Variants in SCN1A observed in about 807,000 individuals in gnomAD.
The protein encoded by SCN1A is sodium voltage-gated channel alpha subunit 1, also known as sodium channel protein type 1 subunit alpha.
In SCN1A, 13 loss-of-function variants were observed where a neutral mutation model predicts 193.7. The observed-to-expected ratio is 0.07, with a 90% CI of 0.04 to 0.11. SCN1A has a LOEUF of 0.11. Ranked by LOEUF, SCN1A falls within the 10% of genes least tolerant of loss-of-function variation. SCN1A has a pLI of 1.00. For missense variants in SCN1A, 1,432 were observed against 2,451.1 expected (o/e 0.58, Z 8.78); for synonymous variants, 781 against 843.6 (o/e 0.93, Z 1.29).
At position 166,045,151 on chromosome 2, in the gene SCN1A, ATCC is replaced by A. The variant is rs1559220543; in HGVS notation, c.1551_1553del (p.Glu517del). On this transcript the variant is annotated inframe_deletion, in exon 13 of 29. Coordinates refer to ENST00000674923, the MANE Select transcript of SCN1A (RefSeq NM_001165963.4). ...CCTCAGATTCAGATTTTTGGAATTCATCCTCATCTTTCTCTTCCCCACCAGACT... is the reference window on the plus strand; with the variant it reads ...CCTCAGATTCAGATTTTTGGAATTCATCATCTTTCTCTTCCCCACCAGACT... 1 of 1,614,090 alleles carries A rather than the reference ATCC, an allele frequency of 6.2e-7. No homozygotes were observed. The highest frequency in any genetic ancestry group is 2.2e-5 in the East Asian group (1 of 44,868).
chr2:166,082,719 C>A (rs1298932820), intron 2 of SCN1A, among the ~76,000 whole-genome samples: 1 of 151,998 alleles, frequency 6.6e-6, no homozygotes, highest in Non-Finnish European at 1.5e-5. Flanking sequence ...ACTAACTGAG[C>A]AGATGACTTT....
chr2:166,086,316 A>C (rs1240490086), intron 2 of SCN1A, among the ~76,000 whole-genome samples: 1 of 152,162 alleles, frequency 6.6e-6, no homozygotes, highest in Non-Finnish European at 1.5e-5. Context: ...CTAGGGAATG[A>C]TTCTAGCCAT....
chr2:166,089,695 A>G (rs373657388), intron 2 of SCN1A, among the ~76,000 whole-genome samples: 110 of 152,238 alleles, frequency 7.2e-4, no homozygotes, highest in African/African-American at 2.6e-3. Flanking sequence ...GAGACTATAT[A>G]AAAAGATGGA....
At chr2:166,006,430 C>T (rs1691667035) in intron 23 of SCN1A, among the ~76,000 whole-genome samples, 1 of 151,334 alleles carries the variant, frequency 6.6e-6, no homozygotes, top group Admixed American at 6.6e-5. Context: ...TATGTTTTCA[C>T]TGTGTTATGT....
At chr2:165,996,231 T>C (rs561312179) in intron 26 of SCN1A, 114 bp from the exon 27 acceptor site, 1 of 655,590 alleles carries the variant, frequency 1.5e-6, no homozygotes, top group African/African-American at 1.8e-5. Flanking sequence ...AACTGATTAG[T>C]ATAATTATAT....
intron 10 of SCN1A, among the ~76,000 whole-genome samples, chr2:166,048,123 T>C (rs1698069602): frequency 6.6e-6 from 1 of 152,126 alleles, no homozygotes; most frequent in African/African-American, 2.4e-5. Context: ...CCTAAAAAAG[T>C]AGGAACAGGA....
chr2:166,036,317 GATC>G lies in SCN1A; in HGVS notation c.3157_3159del (p.Asp1053del), dbSNP rs1696361942. On this transcript the variant is annotated inframe_deletion, in exon 19 of 29. Coordinates refer to ENST00000674923, the MANE Select transcript of SCN1A (RefSeq NM_001165963.4). ...ATACAACTGTCTTTCTTGTTGTTTA[GATC>G]ATCAAGTGGTTTAATTTCATCTAAA... 6 of 1,613,108 alleles carry G rather than the reference GATC, an allele frequency of 3.7e-6. No homozygotes were observed. The highest frequency in any genetic ancestry group is 2.7e-5 in the African/African-American group (2 of 74,844).
At chr2:166,025,022 A>G (rs1694564854) in intron 19 of SCN1A, among the ~76,000 whole-genome samples, 1 of 152,202 alleles carries the variant, frequency 6.6e-6, no homozygotes, top group Non-Finnish European at 1.5e-5. Context: ...CACATAGAAA[A>G]TCATTTGAGT....
In SCN1A at chr2:166,039,567, C is replaced by G; in HGVS notation, c.2445G>C (p.Met815Ile). Residue 815 changes from methionine to isoleucine, a missense_variant, in exon 17 of 29, where the codon ATG becomes ATC. By Grantham distance (10) the Met-to-Ile change is conservative. Transcript: ENST00000674923. Reference sequence around the variant, plus strand: ...GATCCATGGCAATAATTTTCAGAAACATTTCTGCTGTAAAGATCCCAGTGA... The same window carrying G: ...GATCCATGGCAATAATTTTCAGAAAGATTTCTGCTGTAAAGATCCCAGTGA... ...LVFTGIFTAEMFLKIIAMDPY... is the reference protein window; with the variant it reads ...LVFTGIFTAEIFLKIIAMDPY... 1 of 1,613,908 alleles carries G rather than the reference C, an allele frequency of 6.2e-7. No homozygotes were observed. Among genetic ancestry groups the G allele is most frequent in the African/African-American group, 1.3e-5 (1 of 75,022 alleles).
intron 2 of SCN1A, among the ~76,000 whole-genome samples, chr2:166,091,446 T>C (rs1469341532): frequency 6.6e-6 from 1 of 152,162 alleles, no homozygotes; most frequent in Non-Finnish European, 1.5e-5. Context: ...CTGAATTGAA[T>C]AAAGAAAATA....
At chr2:166,103,829 C>T (rs1020959452) in intron 2 of SCN1A, among the ~76,000 whole-genome samples, 13 of 152,142 alleles carry the variant, frequency 8.5e-5, no homozygotes, top group African/African-American at 2.6e-4. Context: ...TACCATACAA[C>T]GTGAAAATAT....
intron 4 of SCN1A, among the ~76,000 whole-genome samples, chr2:166,071,428 T>C (rs1461205987): frequency 6.6e-6 from 1 of 152,140 alleles, no homozygotes; most frequent in Non-Finnish European, 1.5e-5. Flanking sequence ...TGGAAAATGA[T>C]CCATCCCTTC....
intron 2 of SCN1A, among the ~76,000 whole-genome samples, chr2:166,094,922 T>A (rs897183128): frequency 6.6e-6 from 1 of 152,144 alleles, no homozygotes; most frequent in African/African-American, 2.4e-5. Context: ...AAAATCAGGA[T>A]CAAACAAAAA....
chr2:166,114,764 A>G (rs1689661480), intron 2 of SCN1A, among the ~76,000 whole-genome samples: 1 of 152,206 alleles, frequency 6.6e-6, no homozygotes, highest in Non-Finnish European at 1.5e-5. Flanking sequence ...TTAATATTAT[A>G]CTTTTGAACT....
chr2:166,126,884 A>G (rs1691307366), intron 2 of SCN1A, 40 bp downstream of exon 2: 1 of 152,254 alleles, frequency 6.6e-6, no homozygotes, highest in African/African-American at 2.4e-5. Context: ...AAGAAATGAG[A>G]AGTAAATGCA....
At chr2:166,130,036 A>G (rs1691595659), upstream of SCN1A, among the ~76,000 whole-genome samples, 1 of 152,160 alleles carries the variant, frequency 6.6e-6, no homozygotes, top group Admixed American at 6.6e-5. Context: ...AGCCAGCCAC[A>G]CAGATGTGGA....
chr2:166,011,515 A>G (rs1692441862), intron 22 of SCN1A, among the ~76,000 whole-genome samples: 2 of 147,324 alleles, frequency 1.4e-5, no homozygotes, highest in African/African-American at 2.5e-5. Context: ...TGAATAAAGT[A>G]GACTTCTCTT....
intron 2 of SCN1A, among the ~76,000 whole-genome samples, chr2:166,089,984 T>C (rs1157735229): frequency 1.3e-5 from 2 of 150,124 alleles, no homozygotes; most frequent in Non-Finnish European, 3.0e-5. Flanking sequence ...CCGTAGGTCC[T>C]ATACAAACCA....
chr2:166,044,934 C>T, intron 13 of SCN1A, 109 bp downstream of exon 13: 1 of 1,178,128 alleles, frequency 8.5e-7, no homozygotes, highest in Non-Finnish European at 1.3e-6. Flanking sequence ...TATAACACAA[C>T]AGTGGTTGAT....
Sources: gnomAD v4.1 joint callset for allele counts (sites outside exome capture counted in the v4.1 genomes callset) on GRCh38, gnomAD v4.1.1 for gene constraint, MANE v1.5 for transcripts, NCBI Gene and HGNC (gene_info 2026-07-23, HGNC 2026-07-21) for gene names.